The following SORL1 variants were observed in gnomAD, a reference collection of about 807,000 sequenced individuals.
SORL1 encodes sortilin related receptor 1.
A neutral mutation model predicts 273.7 loss-of-function variants in SORL1; 127 were observed. The observed-to-expected ratio is 0.46, with a 90% CI of 0.40 to 0.54. SORL1 has a LOEUF of 0.54. Among genes scored for constraint, SORL1 ranks in the 20% least tolerant of loss-of-function variants. The pLI is 0.00. For synonymous variants in SORL1, 1,031 were observed against 1,067.4 expected, an observed-to-expected ratio of 0.97 and a Z score of 0.66; for missense variants, 2,494 against 2,846.1, an observed-to-expected ratio of 0.88 and a Z score of 2.81.
Position 121,478,752 on chromosome 11 carries a change from G to A in SORL1, c.528+509G>A, listed in dbSNP as rs149132649. ...GGTAACTGTGTGTGTGCTTGTGTGCGTGTGAGTACTTGTGTGGATGTGCAT... is the reference window on the plus strand; with the variant it reads ...GGTAACTGTGTGTGTGCTTGTGTGCATGTGAGTACTTGTGTGGATGTGCAT... On this transcript the variant is annotated intron_variant, in intron 3 of 47. Transcript: ENST00000260197. 1.9e-3 allele frequency among the ~76,000 whole-genome samples: 295 copies of A among 151,384 alleles called. 1 individual carries two copies. The highest frequency in any genetic ancestry group is 6.8e-3 in the African/African-American group (280 of 41,248).
At chr11:121,509,938 G>A (rs900342387) in intron 6 of SORL1, among the ~76,000 whole-genome samples, 7 of 152,170 alleles carry the variant, frequency 4.6e-5, no homozygotes, top group African/African-American at 1.7e-4. Context: ...CAACCTTTCA[G>A]GAGGGCTATT....
chr11:121,593,869 C>G (rs1052258046), intron 31 of SORL1, among the ~76,000 whole-genome samples: 1 of 152,088 alleles, frequency 6.6e-6, no homozygotes, highest in African/African-American at 2.4e-5. Context: ...CAGTTTTTCT[C>G]TTTTTAGTTT....
intron 7 of SORL1, among the ~76,000 whole-genome samples, chr11:121,513,428 A>G (rs1018057651): frequency 1.3e-5 from 2 of 152,262 alleles, no homozygotes; most frequent in Middle Eastern, 3.4e-3. Flanking sequence ...TTTTTTTATT[A>G]AGTAACTGCT....
chr11:121,556,016 GAC>G (rs1464485596), intron 18 of SORL1, among the ~76,000 whole-genome samples: 3 of 152,218 alleles, frequency 2.0e-5, no homozygotes, highest in Middle Eastern at 3.2e-3. Context: ...CAAGACGAAA[GAC>G]ACAGACTCGA....
chr11:121,540,520 T>TAAAAAAAAAAAAAAAAAAA (rs1301451125), intron 12 of SORL1, among the ~76,000 whole-genome samples: 4 of 20,440 alleles, frequency 2.0e-4, no homozygotes, highest in South Asian at 2.7e-3. Context: ...CTACTAAAAA[T>TAAAAAAAAAAAAAAAAAAA]ACAAAAAAAA....
At chr11:121,582,051 G>A (rs2134944778) in intron 25 of SORL1, among the ~76,000 whole-genome samples, 1 of 152,328 alleles carries the variant, frequency 6.6e-6, no homozygotes, top group South Asian at 2.1e-4. Context: ...TGGATTCTGA[G>A]TGCCAAAGGT....
chr11:121,540,312 A>G (rs969286299), intron 12 of SORL1, among the ~76,000 whole-genome samples: 6 of 151,944 alleles, frequency 3.9e-5, no homozygotes, highest in African/African-American at 1.5e-4. Context: ...TTATGTCTAT[A>G]TTTTTATCTG....
At chr11:121,604,626 G>A (rs1863442126) in intron 33 of SORL1, among the ~76,000 whole-genome samples, 3 of 152,034 alleles carry the variant, frequency 2.0e-5, no homozygotes, top group African/African-American at 7.3e-5. Context: ...CTGCTGGTGG[G>A]ATTAACTCAG....
At chr11:121,482,602 C>T (rs1218692315) in intron 3 of SORL1, among the ~76,000 whole-genome samples, 1 of 152,218 alleles carries the variant, frequency 6.6e-6, no homozygotes, top group Non-Finnish European at 1.5e-5. Flanking sequence ...TTGCCTTTGT[C>T]CCCTGGAAGG....
chr11:121,501,217 G>A (rs1475996377), intron 6 of SORL1, among the ~76,000 whole-genome samples: 2 of 152,168 alleles, frequency 1.3e-5, no homozygotes, highest in Admixed American at 1.3e-4. Flanking sequence ...TGTTACAACT[G>A]TGTTGAGATA....
chr11:121,565,833 A>G (rs893500510), intron 21 of SORL1, among the ~76,000 whole-genome samples: 1 of 152,192 alleles, frequency 6.6e-6, no homozygotes, highest in Non-Finnish European at 1.5e-5. Flanking sequence ...CTCCTTCTCA[A>G]GAGTGCAGTG....
rs752341524 is a variant in SORL1 at position 121,496,970 on chromosome 11, G to T, written c.860G>T (p.Arg287Leu). 6.2e-7 allele frequency: 1 copy of T among 1,613,852 alleles called. No individual in the cohort carries two copies. Among genetic ancestry groups the T allele is most frequent in the Admixed American group, 1.7e-5 (1 of 59,980 alleles). The stretch of plus-strand genomic sequence containing the variant: ...CGAAGTACAGATTTCTTCCAGTCCC[G>T]GGAAAACCAGGAAGTGATCCTTGAG... ...VFRSTDFFQS[R>L]ENQEVILEEV... Residue 287 changes from arginine (R) to leucine (L), a missense_variant, in exon 6 of 48, where the codon CGG becomes CTG. Arg to Leu is a moderately radical substitution (Grantham distance 102). This residue lies in a region of SORL1 where 710 missense variants were observed against 882.5 expected (regional missense o/e 0.80). Transcript: ENST00000260197.
At chr11:121,515,799 G>A (rs537075806) in intron 8 of SORL1, among the ~76,000 whole-genome samples, 1 of 152,152 alleles carries the variant, frequency 6.6e-6, no homozygotes, top group South Asian at 2.1e-4. Context: ...TTACAGGTGT[G>A]CACCACCAGG....
In SORL1 at chr11:121,583,579, C is replaced by T; in HGVS notation, c.3702C>T (p.Asn1234=). 1.2e-6 allele frequency: 2 copies of T among 1,606,694 alleles called. No individual in the cohort carries two copies. The highest frequency in any genetic ancestry group is 1.7e-6 in the Non-Finnish European group (2 of 1,176,520). Residue 1234 remains asparagine (N), a synonymous_variant, in exon 26 of 48, where the codon AAC becomes AAT. Coordinates refer to ENST00000260197, the MANE Select transcript of SORL1 (RefSeq NM_003105.6). ...ATGGTTCCGATGAGGATCCAGTCAA[C>T]TGTGGTAAATGCAAATTCCCCAGCT... The part of the protein sequence containing the change: ...CQDGSDEDPV[N]CEKKCNGFRC...
chr11:121,632,507 G>A lies in SORL1; in HGVS notation c.*2944G>A, dbSNP rs1863889487. The stretch of plus-strand genomic sequence containing the variant: ...TTGGACAAGTAATTCCTGGGGTTCT[G>A]TCTTTGGTAGCATCACCAGGGATAT... On this transcript the variant is annotated 3_prime_UTR_variant, in exon 48 of 48. Transcript: ENST00000260197. 1 of 151,882 alleles carries A rather than the reference G, an allele frequency of 6.6e-6. No individual in the cohort carries two copies. The highest frequency in any genetic ancestry group is 1.5e-5 in the Non-Finnish European group (1 of 67,998). The allele number at this position is 151,882 out of a possible 1,614,324, so 9.4% of individuals were successfully genotyped here.
intron 45 of SORL1, among the ~76,000 whole-genome samples, chr11:121,624,848 T>C (rs1410972299): frequency 6.6e-6 from 1 of 152,120 alleles, no homozygotes; most frequent in Non-Finnish European, 1.5e-5. Context: ...ATTTCCACGA[T>C]ATAGCTTGTT....
chr11:121,606,999 GCTAGGAGAT>G, intron 36 of SORL1, 42 bp downstream of exon 36: 1 of 1,429,340 alleles, frequency 7.0e-7, no homozygotes, highest in Non-Finnish European at 9.9e-7. Flanking sequence ...TGTTGGGGGT[GCTAGGAGAT>G]TTCTGGGTAT....
intron 8 of SORL1, among the ~76,000 whole-genome samples, chr11:121,517,500 A>C (rs1861972902): frequency 6.6e-6 from 1 of 151,812 alleles, no homozygotes; most frequent in Admixed American, 6.6e-5. Flanking sequence ...CCTTTCACTG[A>C]CTCTTTAATT....
In SORL1 at chr11:121,625,215, G is replaced by A; in HGVS notation, c.6302G>A (p.Cys2101Tyr). Residue 2101 changes from cysteine (C) to tyrosine (Y), a missense_variant, in exon 46 of 48, where the codon TGC becomes TAC. By Grantham distance (194) the Cys-to-Tyr change is radical. Coordinates refer to ENST00000260197, the MANE Select transcript of SORL1 (RefSeq NM_003105.6). ...HNYTFTVQAR[C>Y]LFGNQICGEP... ...TACACGTTCACCGTCCAAGCAAGAT[G>A]CCTTTTTGGCAACCAGATCTGTGGG... 1.2e-6 allele frequency: 2 copies of A among 1,614,112 alleles called. No individual in the cohort carries two copies. Among genetic ancestry groups the A allele is most frequent in the Non-Finnish European group, 1.7e-6 (2 of 1,180,000 alleles).
Sources: gnomAD v4.1 joint callset for allele counts (sites outside exome capture counted in the v4.1 genomes callset) on GRCh38, gnomAD v4.1.1 for gene constraint, gnomAD v4.1.1 regional missense constraint, MANE v1.5 for transcripts, NCBI Gene and HGNC (gene_info 2026-07-23, HGNC 2026-07-21) for gene names.